PCLO: variants seen among roughly 807,000 people sequenced by gnomAD.
The protein encoded by PCLO is protein piccolo.
PCLO carries 82 observed loss-of-function variants against 427.5 expected under a neutral mutation model. The observed-to-expected ratio is 0.19, with a 90% CI of 0.16 to 0.23. The LOEUF is 0.23. PCLO is among the 10% of genes least tolerant of loss of function. The pLI is 1.00. For missense variants in PCLO, 6,239 were observed against 6,115.9 expected, an observed-to-expected ratio of 1.02 and a Z score of -0.67; for synonymous variants, 2,357 against 2,155.4, an observed-to-expected ratio of 1.09 and a Z score of -2.59.
At chr7:83,069,919 G>A (rs892186543) in intron 3 of PCLO, among the ~76,000 whole-genome samples, 1 of 151,936 alleles carries the variant, frequency 6.6e-6, no homozygotes, top group Admixed American at 6.6e-5. Flanking sequence ...TGGTTTTAAA[G>A]ATATGCTGAC....
At chr7:82,993,968 T>A (rs549250461) in intron 3 of PCLO, among the ~76,000 whole-genome samples, 2 of 152,092 alleles carry the variant, frequency 1.3e-5, no homozygotes, top group East Asian at 1.9e-4. Flanking sequence ...AAGAGAAAAC[T>A]ATCAGGAAGA....
chr7:83,155,076 T>C lies in PCLO; in HGVS notation c.1565A>G (p.Gln522Arg), dbSNP rs761823040. Residue 522 changes from glutamine (Q) to arginine (R), a missense_variant, in exon 2 of 25, where the codon CAA becomes CGA. This residue lies in a region of PCLO where 4,677 missense variants were observed against 4,468.4 expected (regional missense o/e 1.05). Coordinates refer to ENST00000333891, the MANE Select transcript of PCLO (RefSeq NM_033026.6). ...QQPGPAKPSP[Q>R]QPGSTKPPSQ... Reference sequence around the variant, plus strand: ...TGGGGGTTTTGTTGAGCCAGGCTGTTGAGGTGAGGGCTTTGCTGGGCCAGG... The same window carrying C: ...TGGGGGTTTTGTTGAGCCAGGCTGTCGAGGTGAGGGCTTTGCTGGGCCAGG... The C allele has an allele frequency of 6.2e-7, 1 of 1,609,994 alleles. No homozygotes were observed. Among genetic ancestry groups the C allele is most frequent in the African/African-American group, 1.3e-5 (1 of 74,328 alleles).
chr7:82,938,607 T>G lies in PCLO; in HGVS notation c.11112+10869A>C, dbSNP rs76667866. Among the ~76,000 whole-genome samples the G allele has an allele frequency of 3.1e-3, 475 of 152,022 alleles. 1 individual carries two copies. Among genetic ancestry groups the G allele is most frequent in the Non-Finnish European group, 5.7e-3 (386 of 67,840 alleles). On this transcript the variant is annotated intron_variant, in intron 6 of 24. Coordinates refer to ENST00000333891, the MANE Select transcript of PCLO (RefSeq NM_033026.6). ...GACCAGTGAGCATAAGGAGAAACAA[T>G]GAAGAAATTCAAAAACATTTACTTA...
At chr7:82,930,500 A>G (rs1794816312) in intron 6 of PCLO, among the ~76,000 whole-genome samples, 1 of 152,158 alleles carries the variant, frequency 6.6e-6, no homozygotes, top group African/African-American at 2.4e-5. Context: ...AAAACTTACT[A>G]AAAATTCTGA....
intron 9 of PCLO, among the ~76,000 whole-genome samples, chr7:82,892,676 C>T (rs1793799053): frequency 6.6e-6 from 1 of 152,086 alleles, no homozygotes. Context: ...GCAATCTCCT[C>T]ATCTGACAAA....
intron 8 of PCLO, among the ~76,000 whole-genome samples, chr7:82,904,448 T>C (rs920272634): frequency 2.0e-5 from 3 of 152,004 alleles, no homozygotes; most frequent in Admixed American, 6.6e-5. Context: ...ATCATATGCA[T>C]TGAAAATTTT....
intron 3 of PCLO, among the ~76,000 whole-genome samples, chr7:83,123,526 A>G (rs539871972): frequency 6.6e-6 from 1 of 152,328 alleles, no homozygotes; most frequent in Non-Finnish European, 1.5e-5. Flanking sequence ...AATCTACCAG[A>G]AGAAAGCATT....
chr7:83,037,043 A>G (rs958218841), intron 3 of PCLO, among the ~76,000 whole-genome samples: 2 of 152,166 alleles, frequency 1.3e-5, no homozygotes, highest in Non-Finnish European at 2.9e-5. Context: ...GAACAAAGGT[A>G]CAAGAAAAAT....
intron 3 of PCLO, among the ~76,000 whole-genome samples, chr7:83,007,573 T>C (rs1319184740): frequency 1.3e-5 from 2 of 151,530 alleles, no homozygotes; most frequent in Non-Finnish European, 3.0e-5. Context: ...TTTTTAAAAA[T>C]TACGATGATA....
intron 24 of PCLO, among the ~76,000 whole-genome samples, chr7:82,759,753 C>A (rs1790391867): frequency 6.6e-6 from 1 of 151,770 alleles, no homozygotes; most frequent in African/African-American, 2.4e-5. Flanking sequence ...TTTTCTCATT[C>A]CCCCATTTCT....
rs979753814 is a variant in PCLO, at chr7:82,955,256, T to G, written c.5697A>C (p.Gln1899His). Residue 1899 changes from glutamine to histidine, a missense_variant, in exon 5 of 25, where the codon CAA (glutamine) becomes CAC (histidine). By Grantham distance (24) the Gln-to-His change is conservative (BLOSUM62 0). Coordinates refer to ENST00000333891, the MANE Select transcript of PCLO (RefSeq NM_033026.6). Reference sequence around the variant, plus strand: ...GGCTACCTTCTTTCTGCATAATAGATTGCTCATCTGTTGGTGAGTATAATG... The same window carrying G: ...GGCTACCTTCTTTCTGCATAATAGAGTGCTCATCTGTTGGTGAGTATAATG... ...AVSLYSPTDE[Q>H]SIMQKEGSQK... 6.2e-7 allele frequency: 1 copy of G among 1,613,664 alleles called. No homozygotes were observed.
intron 6 of PCLO, among the ~76,000 whole-genome samples, chr7:82,947,980 C>A (rs901463417): frequency 2.0e-5 from 3 of 152,070 alleles, no homozygotes; most frequent in Admixed American, 6.5e-5. Flanking sequence ...AAAGCCTGTT[C>A]TTTCTAATAA....
At chr7:82,759,346 A>G (rs1289321671) in intron 24 of PCLO, among the ~76,000 whole-genome samples, 2 of 151,824 alleles carry the variant, frequency 1.3e-5, no homozygotes, top group African/African-American at 2.4e-5. Flanking sequence ...TCTCTTCAGA[A>G]TCTCCAGTTA....
intron 9 of PCLO, among the ~76,000 whole-genome samples, chr7:82,892,552 G>A (rs1257729951): frequency 6.6e-6 from 1 of 151,924 alleles, no homozygotes; most frequent in Non-Finnish European, 1.5e-5. Context: ...AAAAGCAATG[G>A]CAACAAAAGC....
chr7:82,902,643 T>C lies in PCLO; in HGVS notation c.13528+8A>G, dbSNP rs560413459. ...AAAAAAAATATTAGATTATATGATT[T>C]GCTTTACCTGAAACTGTGTGATCCT... On this transcript the variant is annotated splice_region_variant and intron_variant, in intron 9 of 24. Coordinates refer to ENST00000333891, the MANE Select transcript of PCLO (RefSeq NM_033026.6). 349 of 1,501,958 alleles carry C rather than the reference T, an allele frequency of 2.3e-4. 6 individuals carry two copies. In the South Asian group the frequency reaches 3.7e-3, roughly 16 times the overall value. 93.0% of individuals were successfully genotyped at this position (1,501,958 alleles called of 1,614,324 possible). A position where few individuals can be genotyped will look rare whatever the true frequency, so the allele number is the denominator to read the frequency against.
At chr7:82,960,411 T>C (rs562939342) in intron 4 of PCLO, among the ~76,000 whole-genome samples, 3 of 152,308 alleles carry the variant, frequency 2.0e-5, no homozygotes, top group African/African-American at 7.2e-5. Context: ...GGCAGCCACT[T>C]ATTGGCTATA....
At chr7:82,790,134 C>T (rs945274721) in intron 22 of PCLO, among the ~76,000 whole-genome samples, 4 of 152,066 alleles carry the variant, frequency 2.6e-5, no homozygotes, top group African/African-American at 7.2e-5. Context: ...GCATTCCAGT[C>T]CTTATCTATT....
intron 1 of PCLO, 145 bp downstream of exon 1, chr7:83,162,200 A>G: frequency 2.5e-6 from 2 of 808,034 alleles, no homozygotes; most frequent in Non-Finnish European, 3.8e-6. Flanking sequence ...AAGGCTTAGG[A>G]TCTCTCTATG....
intron 3 of PCLO, among the ~76,000 whole-genome samples, chr7:83,097,479 G>A (rs1374167047): frequency 6.8e-6 from 1 of 146,118 alleles, no homozygotes; most frequent in Non-Finnish European, 1.5e-5. Context: ...CCGAGATCCT[G>A]CCACTGCACT....
Sources: gnomAD v4.1 joint callset for allele counts (sites outside exome capture counted in the v4.1 genomes callset) on GRCh38, gnomAD v4.1.1 for gene constraint, gnomAD v4.1.1 regional missense constraint, MANE v1.5 for transcripts, NCBI Gene and HGNC (gene_info 2026-07-23, HGNC 2026-07-21) for gene names.